ARID1B: variants seen among roughly 807,000 people sequenced by gnomAD.
The protein encoded by ARID1B is AT-rich interaction domain 1B, also known as AT-rich interactive domain-containing protein 1B.
ARID1B carries 30 observed loss-of-function variants against 212.3 expected under a neutral mutation model. The observed-to-expected ratio is 0.14, with a 90% CI of 0.11 to 0.19. ARID1B has a LOEUF of 0.19. Ranked by LOEUF, ARID1B falls within the 10% of genes least tolerant of loss-of-function variation. The probability of loss-of-function intolerance (pLI) is 1.00; values close to 1 mark genes in which losing one functional copy is unlikely to be tolerated. For synonymous variants in ARID1B, 1,402 were observed against 1,301.7 expected, an observed-to-expected ratio of 1.08 and a Z score of -1.66; for missense variants, 2,891 against 3,204.0, an observed-to-expected ratio of 0.90 and a Z score of 2.36.
intron 4 of ARID1B, among the ~76,000 whole-genome samples, chr6:156,965,748 A>C (rs984854470): frequency 6.6e-6 from 1 of 152,182 alleles, no homozygotes; most frequent in Non-Finnish European, 1.5e-5. Context: ...GCAGTTTGTG[A>C]ACAATAAGAT....
chr6:157,111,313 A>C (rs1160720342), intron 6 of ARID1B: 1 of 152,344 alleles, frequency 6.6e-6, no homozygotes, highest in Non-Finnish European at 1.5e-5. Flanking sequence ...CCCTTGGAGT[A>C]GGAAAGCTAC....
intron 3 of ARID1B, among the ~76,000 whole-genome samples, chr6:156,923,150 A>T (rs1790946060): frequency 6.6e-6 from 1 of 152,202 alleles, no homozygotes. Context: ...GTGGACAGGT[A>T]TCTACCTGGG....
intron 1 of ARID1B, among the ~76,000 whole-genome samples, chr6:156,800,350 A>G (rs568452911): frequency 6.6e-6 from 1 of 152,310 alleles, no homozygotes; most frequent in Non-Finnish European, 1.5e-5. Flanking sequence ...ACACTTTGGG[A>G]GGCCGAGGCG....
intron 4 of ARID1B, among the ~76,000 whole-genome samples, chr6:157,034,923 G>C (rs529947103): frequency 6.6e-6 from 1 of 152,148 alleles, no homozygotes; most frequent in Non-Finnish European, 1.5e-5. Context: ...TCGTTTAAAG[G>C]TATATTAAGA....
intron 2 of ARID1B, among the ~76,000 whole-genome samples, chr6:156,836,192 G>A (rs1449658249): frequency 6.6e-6 from 1 of 152,128 alleles, no homozygotes; most frequent in Non-Finnish European, 1.5e-5. Context: ...AAGTTAAAGT[G>A]ATTAAGTGAC....
At chr6:156,830,257 A>G (rs922202099) in intron 2 of ARID1B, among the ~76,000 whole-genome samples, 1 of 152,218 alleles carries the variant, frequency 6.6e-6, no homozygotes, top group Non-Finnish European at 1.5e-5. Flanking sequence ...TACCGTACCT[A>G]AGCCGCCAGG....
intron 4 of ARID1B, among the ~76,000 whole-genome samples, chr6:157,010,726 A>G (rs187030910): frequency 2.1e-3 from 326 of 151,990 alleles, no homozygotes; most frequent in African/African-American, 7.7e-3. Context: ...ACTTGTGTCA[A>G]TTTATCTAAA....
rs531659207 is a variant in ARID1B, at chr6:157,174,712, A to G, written c.3346-135A>G. The G allele has an allele frequency of 8.4e-5, 23 of 274,870 alleles. No homozygotes were observed. In the South Asian group the frequency reaches 3.3e-3, roughly 40 times the overall value. 17.0% of individuals were successfully genotyped at this position (274,870 alleles called of 1,614,324 possible). On this transcript the variant is annotated intron_variant, in intron 10 of 19. Transcript: ENST00000636930. The stretch of plus-strand genomic sequence containing the variant: ...TGTGGTTTTGTGTGTTTGTTTGTAC[A>G]TGTCTTTATATATATATATATATAT...
chr6:157,032,892 G>A (rs760849232), intron 4 of ARID1B, among the ~76,000 whole-genome samples: 12 of 151,938 alleles, frequency 7.9e-5, no homozygotes, highest in Non-Finnish European at 1.8e-4. Flanking sequence ...ACTTAATAGA[G>A]TATCCTGGAA....
Position 157,127,801 on chromosome 6 carries a change from A to C in ARID1B, c.2582-5227A>C, listed in dbSNP as rs1228881660. ...TCTGTCTCAAAAAAAAAAAAAAAAA[A>C]AAAAACAAAAATTAGCCAGGCATGG... On this transcript the variant is annotated intron_variant, in intron 6 of 19. Coordinates refer to ENST00000636930, the MANE Select transcript of ARID1B (RefSeq NM_001374828.1). Among the ~76,000 whole-genome samples the C allele has an allele frequency of 5.8e-4, 85 of 147,196 alleles. 1 individual carries two copies. Among genetic ancestry groups the C allele is most frequent in the East Asian group, 2.8e-3 (14 of 5,076 alleles).
chr6:157,206,339 A>T lies in ARID1B; in HGVS notation c.5567A>T (p.Glu1856Val). The T allele has an allele frequency of 6.2e-7, 1 of 1,614,108 alleles. No homozygotes were observed. The highest frequency in any genetic ancestry group is 2.2e-5 in the East Asian group (1 of 44,876). Residue 1856 changes from glutamate (E) to valine (V), a missense_variant, in exon 20 of 20, where the codon GAA becomes GTA. By Grantham distance (121) the Glu-to-Val change is moderately radical. Coordinates refer to ENST00000636930, the MANE Select transcript of ARID1B (RefSeq NM_001374828.1). This position sits in a 1 kb window ranked among gnomAD's most constrained non-coding sequence, Gnocchi z 6.8. ...GCAGACGATTCTGGGAAAGAGGAGGAAGATGCTGAATGTATTGATGACGAC... is the reference window on the plus strand; with the variant it reads ...GCAGACGATTCTGGGAAAGAGGAGGTAGATGCTGAATGTATTGATGACGAC... ...SLADDSGKEE[E>V]DAECIDDDEE... is the part of the protein sequence containing the mutation.
At chr6:157,122,975 C>T (rs1787847993) in intron 6 of ARID1B, among the ~76,000 whole-genome samples, 1 of 152,156 alleles carries the variant, frequency 6.6e-6, no homozygotes, top group South Asian at 2.1e-4. Flanking sequence ...AGCCACCGTG[C>T]CCGGCCAGGA....
intron 2 of ARID1B, among the ~76,000 whole-genome samples, chr6:156,898,770 G>C (rs955484769): frequency 6.6e-6 from 1 of 152,142 alleles, no homozygotes; most frequent in Non-Finnish European, 1.5e-5. Context: ...TCGGGAGTTT[G>C]AGACCAGCCT....
chr6:157,174,228 G>T, intron 10 of ARID1B, 111 bp downstream of exon 10: 1 of 828,512 alleles, frequency 1.2e-6, no homozygotes, highest in Non-Finnish European at 2.0e-6. Flanking sequence ...GGTCTCCTCT[G>T]CATGCCTTCA....
chr6:157,053,429 C>A (rs1207107451), intron 4 of ARID1B, among the ~76,000 whole-genome samples: 4 of 152,120 alleles, frequency 2.6e-5, no homozygotes, highest in Non-Finnish European at 5.9e-5. Context: ...ATAGCAATAG[C>A]CCTTTGGGGG....
chr6:156,838,582 G>C (rs1215691907), intron 2 of ARID1B, among the ~76,000 whole-genome samples: 1 of 152,070 alleles, frequency 6.6e-6, no homozygotes, highest in Non-Finnish European at 1.5e-5. Flanking sequence ...GGAGGATGGG[G>C]GAGGGATAGC....
intron 4 of ARID1B, among the ~76,000 whole-genome samples, chr6:156,999,696 C>G (rs1778800917): frequency 6.6e-6 from 1 of 152,204 alleles, no homozygotes; most frequent in Non-Finnish European, 1.5e-5. Flanking sequence ...CTCACCTTTT[C>G]AACAGATATT....
intron 8 of ARID1B, among the ~76,000 whole-genome samples, chr6:157,159,224 G>C (rs1306999308): frequency 2.0e-5 from 3 of 152,236 alleles, no homozygotes; most frequent in African/African-American, 4.8e-5. Context: ...CCAGGAAAGA[G>C]TCCGTAGTAG....
intron 4 of ARID1B, among the ~76,000 whole-genome samples, chr6:157,079,456 A>G (rs917177394): frequency 6.6e-6 from 1 of 152,184 alleles, no homozygotes; most frequent in African/African-American, 2.4e-5. Flanking sequence ...TCTCATATCA[A>G]TTTCAAGGTG....
Sources: allele counts gnomAD v4.1 joint callset (sites outside exome capture counted in the v4.1 genomes callset), GRCh38; gene constraint gnomAD v4.1.1; non-coding constraint Gnocchi (gnomAD v3.1); transcripts MANE v1.5; gene names NCBI Gene and HGNC (gene_info 2026-07-23, HGNC 2026-07-21).